Variants in SVIL observed in about 807,000 individuals in gnomAD.
The protein encoded by SVIL is archvillin.
A neutral mutation model predicts 240.4 loss-of-function variants in SVIL; 101 were observed. The ratio of observed to expected loss-of-function variants is 0.42; its 90% CI spans 0.36 to 0.50. The LOEUF (loss-of-function observed/expected upper bound fraction) is 0.50. Ranked by LOEUF, SVIL falls within the 20% of genes least tolerant of loss-of-function variation. The pLI, the probability that SVIL is intolerant of heterozygous loss-of-function variation, is 0.01. For synonymous variants in SVIL, 999 were observed against 1,100.0 expected (o/e 0.91, Z 1.82); for missense variants, 2,512 against 2,818.7 (o/e 0.89, Z 2.46).
intron 3 of SVIL, among the ~76,000 whole-genome samples, chr10:29,560,138 C>A (rs552510763): frequency 6.6e-6 from 1 of 152,288 alleles, no homozygotes; most frequent in Admixed American, 6.5e-5. Flanking sequence ...GATCTTACTT[C>A]CCACAGGAGT....
At chr10:29,627,933 A>C (rs1957938692) in intron 1 of SVIL, among the ~76,000 whole-genome samples, 1 of 152,238 alleles carries the variant, frequency 6.6e-6, no homozygotes, top group African/African-American at 2.4e-5. Context: ...GACTATCAGC[A>C]CAATTTAGAG....
chr10:29,566,715 T>C (rs1442252567), intron 2 of SVIL, among the ~76,000 whole-genome samples: 1 of 152,082 alleles, frequency 6.6e-6, no homozygotes, highest in Non-Finnish European at 1.5e-5. Context: ...CAGACTCTTC[T>C]CTCCTCTCTG....
At position 29,513,293 on chromosome 10, in the gene SVIL, AGGCAC is replaced by A. The variant is rs554375843; in HGVS notation, c.3390-437_3390-433del. Reference sequence around the variant, plus strand: ...TGGGCTTAAAAACATAAAGCTGGCCAGGCACGGTGGCTTCCGCCTGTAATCCTAGC... The same window carrying A: ...TGGGCTTAAAAACATAAAGCTGGCCAGGTGGCTTCCGCCTGTAATCCTAGC... On this transcript the variant is annotated intron_variant, in intron 16 of 37. Transcript: ENST00000355867. Among the ~76,000 whole-genome samples the A allele has an allele frequency of 1.9e-4, 29 of 152,374 alleles. No homozygotes were observed. The South Asian group carries it at 5.2e-3, about 27-fold the overall frequency.
At chr10:29,678,517 C>T (rs535119560) in intron 2 of SVIL, among the ~76,000 whole-genome samples, 4 of 152,322 alleles carry the variant, frequency 2.6e-5, no homozygotes, top group South Asian at 2.1e-4. Context: ...TCACCTCCTG[C>T]TGTGCAGGTT....
At chr10:29,621,834 G>GCA (rs1227127278) in intron 1 of SVIL, among the ~76,000 whole-genome samples, 1 of 148,452 alleles carries the variant, frequency 6.7e-6, no homozygotes, top group Non-Finnish European at 1.5e-5. Flanking sequence ...ATATGCGCAC[G>GCA]CACACACACA....
At chr10:29,566,795 C>A (rs535194668) in intron 2 of SVIL, among the ~76,000 whole-genome samples, 1 of 152,224 alleles carries the variant, frequency 6.6e-6, no homozygotes, top group East Asian at 1.9e-4. Flanking sequence ...TGACCAGTGA[C>A]CCCAAAAGCA....
intron 1 of SVIL, among the ~76,000 whole-genome samples, chr10:29,617,929 G>A (rs559176923): frequency 2.0e-5 from 3 of 152,304 alleles, no homozygotes; most frequent in South Asian, 2.1e-4. Flanking sequence ...TGGCCAAGAC[G>A]TTAAGAGGTT....
At chr10:29,599,585 T>G (rs1692109703) in intron 1 of SVIL, among the ~76,000 whole-genome samples, 1 of 152,034 alleles carries the variant, frequency 6.6e-6, no homozygotes, top group South Asian at 2.1e-4. Flanking sequence ...CCAGCTAATC[T>G]TTTGTATTTT....
intron 1 of SVIL, among the ~76,000 whole-genome samples, chr10:29,591,768 G>A (rs1956399731): frequency 6.6e-6 from 1 of 152,198 alleles, no homozygotes; most frequent in South Asian, 2.1e-4. Flanking sequence ...TTATGTCATC[G>A]GCCTTGCTGC....
chr10:29,663,517 C>T (rs1368073892), intron 2 of SVIL, among the ~76,000 whole-genome samples: 2 of 152,134 alleles, frequency 1.3e-5, no homozygotes, highest in Non-Finnish European at 2.9e-5. Context: ...CCACAATGCC[C>T]AGCTAATTTT....
chr10:29,685,442 A>C (rs1455442620), intron 2 of SVIL, among the ~76,000 whole-genome samples: 2 of 152,230 alleles, frequency 1.3e-5, no homozygotes, highest in Non-Finnish European at 2.9e-5. Context: ...TATAGCCAGT[A>C]ATGGGATTGC....
At chr10:29,695,947 C>G (rs977231185) in intron 1 of SVIL, among the ~76,000 whole-genome samples, 2 of 133,294 alleles carry the variant, frequency 1.5e-5, no homozygotes, top group African/African-American at 5.7e-5. Context: ...CCCTCTCCCT[C>G]TCCCTCTCCC....
intron 22 of SVIL, 22 bp downstream of exon 22, chr10:29,490,825 G>T: frequency 6.2e-7 from 1 of 1,612,088 alleles, no homozygotes; most frequent in South Asian, 1.1e-5. Context: ...CACAGAAGCA[G>T]GGTGGGGGTT....
chr10:29,668,319 G>A (rs1456238811), intron 2 of SVIL, among the ~76,000 whole-genome samples: 1 of 152,152 alleles, frequency 6.6e-6, no homozygotes, highest in East Asian at 1.9e-4. Context: ...AAGGAAAGAA[G>A]GCAGAAAGGA....
chr10:29,523,356 A>G, intron 15 of SVIL, 95 bp downstream of exon 15: 2 of 1,185,010 alleles, frequency 1.7e-6, no homozygotes, highest in Non-Finnish European at 2.3e-6. Flanking sequence ...AACTGCCTAT[A>G]GAACTTTGTT....
chr10:29,542,024 C>T (rs1350425125), intron 6 of SVIL, among the ~76,000 whole-genome samples: 3 of 152,328 alleles, frequency 2.0e-5, no homozygotes, highest in South Asian at 2.1e-4. Flanking sequence ...AGACAAAAGG[C>T]TGTCACCAGA....
chr10:29,485,043 A>AGT (rs1342722433), intron 26 of SVIL, among the ~76,000 whole-genome samples: 1 of 151,280 alleles, frequency 6.6e-6, no homozygotes, highest in Non-Finnish European at 1.5e-5. Context: ...TCCTCCTCCC[A>AGT]GTGTCCTAAG....
At chr10:29,538,897 A>G (rs886541167) in intron 6 of SVIL, among the ~76,000 whole-genome samples, 4 of 152,216 alleles carry the variant, frequency 2.6e-5, no homozygotes, top group African/African-American at 9.6e-5. Context: ...GTGGTGGCTC[A>G]CGCCTCTTGT....
chr10:29,591,742 C>A (rs1956398638), intron 1 of SVIL, among the ~76,000 whole-genome samples: 1 of 152,218 alleles, frequency 6.6e-6, no homozygotes, highest in Non-Finnish European at 1.5e-5. Flanking sequence ...GGGCAGCAGA[C>A]AGAACTCATG....
Sources: gnomAD v4.1 joint callset for allele counts (sites outside exome capture counted in the v4.1 genomes callset) on GRCh38, gnomAD v4.1.1 for gene constraint, MANE v1.5 for transcripts, NCBI Gene and HGNC (gene_info 2026-07-23, HGNC 2026-07-21) for gene names.